Variants in MACROD2 observed in about 807,000 individuals in gnomAD.
MACROD2 encodes ADP-ribose glycohydrolase MACROD2.
In MACROD2, 36 loss-of-function variants were observed where a neutral mutation model predicts 70.4. The ratio of observed to expected loss-of-function variants is 0.51; its 90% CI spans 0.39 to 0.68. The LOEUF (loss-of-function observed/expected upper bound fraction) is 0.68, where lower values mean the gene tolerates loss of function less well. Ranked by LOEUF, MACROD2 falls within the 30% of genes least tolerant of loss-of-function variation. The pLI is 0.00. For missense variants in MACROD2, 496 were observed against 538.4 expected (o/e 0.92, Z 0.78); for synonymous variants, 172 against 178.8 (o/e 0.96, Z 0.30).
chr20:14,392,132 A>T (rs1406456041), intron 3 of MACROD2, among the ~76,000 whole-genome samples: 2 of 151,574 alleles, frequency 1.3e-5, no homozygotes, highest in Non-Finnish European at 2.9e-5. Flanking sequence ...CTCCATATAG[A>T]CTTTCTGAGT....
chr20:15,904,414 A>G (rs2065112143), intron 10 of MACROD2, among the ~76,000 whole-genome samples: 1 of 152,216 alleles, frequency 6.6e-6, no homozygotes. Context: ...TTGACAAACA[A>G]GATAAACTGA....
intron 8 of MACROD2, among the ~76,000 whole-genome samples, chr20:15,848,556 C>T (rs76145292): frequency 0.047 from 7,214 of 152,172 alleles, 361 homozygotes; most frequent in East Asian, 0.21. Context: ...CTTAATAGCC[C>T]TCAGGAATAT....
intron 5 of MACROD2, chr20:14,685,210 A>G (rs2070987663): frequency 5.8e-6 from 1 of 170,946 alleles, no homozygotes; most frequent in Non-Finnish European, 1.2e-5. Context: ...TTAACTATTC[A>G]GGTCTTTGAC....
At chr20:16,039,055 C>G (rs775133) in intron 15 of MACROD2, among the ~76,000 whole-genome samples, 52,567 of 151,746 alleles carry the variant, frequency 0.35, 11,211 homozygotes, top group South Asian at 0.53. Flanking sequence ...TGCTCCCTGC[C>G]CCTAGCCTCA....
chr20:14,413,266 A>G (rs954792200), intron 3 of MACROD2, among the ~76,000 whole-genome samples: 8 of 149,248 alleles, frequency 5.4e-5, no homozygotes, highest in Non-Finnish European at 8.9e-5. Flanking sequence ...AAAATTATAT[A>G]TCTATTAATA....
intron 6 of MACROD2, among the ~76,000 whole-genome samples, chr20:15,232,570 A>G (rs1196910382): frequency 6.6e-6 from 1 of 152,096 alleles, no homozygotes; most frequent in East Asian, 1.9e-4. Flanking sequence ...GATAATGTGT[A>G]TAAGATAATT....
intron 5 of MACROD2, among the ~76,000 whole-genome samples, chr20:14,782,505 A>G (rs1043237172): frequency 3.3e-5 from 5 of 152,084 alleles, no homozygotes; most frequent in Admixed American, 2.0e-4. Context: ...AGATTCCTCA[A>G]ATGCTTACGA....
intron 8 of MACROD2, among the ~76,000 whole-genome samples, chr20:15,856,038 A>G (rs1013367840): frequency 4.6e-5 from 7 of 152,172 alleles, no homozygotes; most frequent in Non-Finnish European, 7.3e-5. Flanking sequence ...CTAGGTATCT[A>G]TGTAGGAGTG....
chr20:14,250,377 C>A (rs1278503606), intron 3 of MACROD2, among the ~76,000 whole-genome samples: 4 of 152,058 alleles, frequency 2.6e-5, no homozygotes, highest in Admixed American at 6.6e-5. Context: ...AAATAGAAAT[C>A]ATCACTGGAA....
At chr20:14,315,641 G>T (rs1483346282) in intron 3 of MACROD2, among the ~76,000 whole-genome samples, 2 of 152,202 alleles carry the variant, frequency 1.3e-5, no homozygotes, top group Admixed American at 1.3e-4. Flanking sequence ...TGAGCTAGTA[G>T]TTAGCTTAAT....
Position 14,056,541 on chromosome 20 carries a change from T to A in MACROD2, c.164-29080T>A, listed in dbSNP as rs180755981. Among the ~76,000 whole-genome samples the A allele has an allele frequency of 2.0e-5, 3 of 152,174 alleles. No individual in the cohort carries two copies. In the East Asian group the frequency reaches 5.8e-4, roughly 29 times the overall value. Reference sequence around the variant, plus strand: ...ATGCCATATAATAGAAGATGCTGTTTTTGTTATTTTCTAGATTTTCAATAA... The same window carrying A: ...ATGCCATATAATAGAAGATGCTGTTATTGTTATTTTCTAGATTTTCAATAA... On this transcript the variant is annotated intron_variant, in intron 2 of 17. Transcript: ENST00000684519.
intron 4 of MACROD2, among the ~76,000 whole-genome samples, chr20:14,673,191 C>T (rs534884525): frequency 3.9e-5 from 6 of 152,232 alleles, no homozygotes; most frequent in African/African-American, 1.2e-4. Flanking sequence ...TTAGGACTTG[C>T]GGAGGAGCGT....
At chr20:15,112,022 C>T (rs1225546969) in intron 5 of MACROD2, among the ~76,000 whole-genome samples, 1 of 152,186 alleles carries the variant, frequency 6.6e-6, no homozygotes, top group Middle Eastern at 3.2e-3. Context: ...GTTCACAGGG[C>T]CAGGATTTGA....
At chr20:15,722,695 T>C (rs546020075) in intron 8 of MACROD2, among the ~76,000 whole-genome samples, 9 of 152,162 alleles carry the variant, frequency 5.9e-5, no homozygotes, top group Non-Finnish European at 1.3e-4. Flanking sequence ...TTTTACTCTT[T>C]GCATGATATC....
intron 7 of MACROD2, among the ~76,000 whole-genome samples, chr20:15,498,140 A>G (rs1392015664): frequency 6.6e-6 from 1 of 152,218 alleles, no homozygotes; most frequent in African/African-American, 2.4e-5. Context: ...TCTAAGAAAA[A>G]TTAAGCTTGG....
intron 10 of MACROD2, among the ~76,000 whole-genome samples, chr20:15,919,684 G>A (rs2065372592): frequency 6.6e-6 from 1 of 152,134 alleles, no homozygotes; most frequent in East Asian, 1.9e-4. Context: ...GCAGTGAGCT[G>A]AGATCGCGCC....
intron 3 of MACROD2, among the ~76,000 whole-genome samples, chr20:14,191,755 G>C (rs1430224174): frequency 6.6e-6 from 1 of 152,224 alleles, no homozygotes; most frequent in African/African-American, 2.4e-5. Flanking sequence ...AGTCTCTGAG[G>C]TGTGTGTATG....
chr20:15,353,626 G>A (rs949759697), intron 6 of MACROD2, among the ~76,000 whole-genome samples: 4 of 151,294 alleles, frequency 2.6e-5, no homozygotes, highest in Non-Finnish European at 5.9e-5. Context: ...CTAATATCCA[G>A]AATCTACAAT....
At position 14,350,673 on chromosome 20, in the gene MACROD2, G is replaced by A. The variant is rs912679287; in HGVS notation, c.272-142806G>A. Among the ~76,000 whole-genome samples, 13 of 152,202 alleles carry A rather than the reference G, an allele frequency of 8.5e-5. 1 individual carries two copies. In the South Asian group the frequency reaches 2.7e-3, roughly 32 times the overall value. On this transcript the variant is annotated intron_variant, in intron 3 of 17. Coordinates refer to ENST00000684519, the MANE Select transcript of MACROD2 (RefSeq NM_001351661.2). ...TGGTTATTAATCCCTTGTCAGATGG[G>A]TAGTTTACAGATATTTTCTCCTTTT...
Sources: gnomAD v4.1 joint callset for allele counts (sites outside exome capture counted in the v4.1 genomes callset) on GRCh38, gnomAD v4.1.1 for gene constraint, MANE v1.5 for transcripts, NCBI Gene and HGNC (gene_info 2026-07-23, HGNC 2026-07-21) for gene names.